ALX4: variants seen among roughly 807,000 people sequenced by gnomAD.
ALX4 encodes the protein homeobox protein aristaless-like 4.
In ALX4, 22 loss-of-function variants were observed where a neutral mutation model predicts 40.6. The observed-to-expected ratio is 0.54, with a 90% CI of 0.39 to 0.77. ALX4 has a LOEUF of 0.77. ALX4 is among the 30% of genes least tolerant of loss of function. The pLI is 0.00. For synonymous variants in ALX4, 266 were observed against 240.5 expected (o/e 1.11, Z -0.98); for missense variants, 556 against 564.8 (o/e 0.98, Z 0.16).
rs1257765413 is a variant in ALX4, at chr11:44,264,846, G to A, written c.*8C>T. 4 of 1,612,014 alleles carry A rather than the reference G, an allele frequency of 2.5e-6. No individual in the cohort carries two copies. Among genetic ancestry groups the A allele is most frequent in the Middle Eastern group, 1.7e-4 (1 of 5,774 alleles). Reference sequence around the variant, plus strand: ...GTCCCGAGGTGGGGACGGGGCAGGGGTGCCCTGTCATGTGGCCCAGGAAAT... The same window carrying A: ...GTCCCGAGGTGGGGACGGGGCAGGGATGCCCTGTCATGTGGCCCAGGAAAT... On this transcript the variant is annotated 3_prime_UTR_variant, in exon 4 of 4. Transcript: ENST00000652299.
chr11:44,277,774 G>C (rs1176746863), intron 1 of ALX4, among the ~76,000 whole-genome samples: 1 of 152,192 alleles, frequency 6.6e-6, no homozygotes, highest in Non-Finnish European at 1.5e-5. Context: ...TGAGTGCCCA[G>C]AGTAGGCCTG....
rs1956201196 is a variant in ALX4, at chr11:44,264,520, A to G, written c.*334T>C. On this transcript the variant is annotated 3_prime_UTR_variant, in exon 4 of 4. Coordinates refer to ENST00000652299, the MANE Select transcript of ALX4 (RefSeq NM_021926.4). ...GAAATCTAGCATTGACTCATGGTCA[A>G]CTAGGCAGAGCAGAGGAGTGGGCGG... 5.1e-6 allele frequency: 2 copies of G among 388,408 alleles called. No homozygotes were observed. Among genetic ancestry groups the G allele is most frequent in the Non-Finnish European group, 4.8e-6 (1 of 210,482 alleles). The allele number at this position is 388,408 out of a possible 1,614,324, so 24.1% of individuals were successfully genotyped here.
chr11:44,292,377 ATTTT>A (rs67510206), intron 1 of ALX4, among the ~76,000 whole-genome samples: 5 of 93,100 alleles, frequency 5.4e-5, no homozygotes, highest in Admixed American at 2.7e-4. Flanking sequence ...GGCTAATTAA[ATTTT>A]TTTTTTTTTT....
chr11:44,305,724 C>T (rs1029528785), intron 1 of ALX4, among the ~76,000 whole-genome samples: 1 of 152,252 alleles, frequency 6.6e-6, no homozygotes, highest in Non-Finnish European at 1.5e-5. Flanking sequence ...AGGCGGCACC[C>T]CAGGGGCTCC....
At chr11:44,278,776 G>A (rs951743999) in intron 1 of ALX4, among the ~76,000 whole-genome samples, 6 of 152,178 alleles carry the variant, frequency 3.9e-5, no homozygotes, top group Non-Finnish European at 8.8e-5. Flanking sequence ...GGGTAGTTGA[G>A]GGTCCCTCCT....
At chr11:44,270,973 G>A (rs926933386) in intron 2 of ALX4, among the ~76,000 whole-genome samples, 8 of 152,204 alleles carry the variant, frequency 5.3e-5, no homozygotes, top group African/African-American at 1.9e-4. Flanking sequence ...AGAGGCCCCT[G>A]CAGCCCCCTG....
rs761250433 is a variant in ALX4 at position 44,309,712 on chromosome 11, G to C, written c.351C>G (p.Pro117=). ...GCTGCAAGTAAAGATGCGGTTGCGC[G>C]GGCGGCTGGGGCTGCGGCTGCTGCT... ...PQQQQPQPQP[P]AQPHLYLQRG... The change falls in exon 1 of 4, where the codon CCC becomes CCG. Residue 117 remains proline (P), a synonymous_variant. Transcript: ENST00000652299. 1 of 1,572,916 alleles carries C rather than the reference G, an allele frequency of 6.4e-7. No individual in the cohort carries two copies. The highest frequency in any genetic ancestry group is 8.6e-7 in the Non-Finnish European group (1 of 1,161,456).
intron 2 of ALX4, among the ~76,000 whole-genome samples, chr11:44,272,026 C>A (rs1956251202): frequency 1.3e-5 from 2 of 152,226 alleles, no homozygotes; most frequent in Non-Finnish European, 2.9e-5. Flanking sequence ...CCTCCCCAAT[C>A]CATTTGCTGG....
chr11:44,271,100 T>A (rs1006814422), intron 2 of ALX4, among the ~76,000 whole-genome samples: 10 of 151,542 alleles, frequency 6.6e-5, no homozygotes, highest in Admixed American at 1.3e-4. Context: ...ACCAGCTGAG[T>A]ATGGGCCCTG....
intron 1 of ALX4, among the ~76,000 whole-genome samples, chr11:44,287,616 G>T (rs1565005462): frequency 6.6e-6 from 1 of 150,628 alleles, no homozygotes; most frequent in African/African-American, 2.4e-5. Flanking sequence ...GAAAAGAAAA[G>T]AAAAGAAAAC....
intron 1 of ALX4, among the ~76,000 whole-genome samples, chr11:44,303,955 G>C (rs1044018366): frequency 6.6e-6 from 1 of 152,162 alleles, no homozygotes; most frequent in Non-Finnish European, 1.5e-5. Context: ...GAGGTGTGCC[G>C]GGCTGCACCT....
In ALX4 at chr11:44,263,648, G is replaced by A. The variant is rs761727621; in HGVS notation, c.*1206C>T. ...GCCCCCATCTGCCGTGGAAGGCTCT[G>A]GGCAGCGATGACACTGACAGATATG... On this transcript the variant is annotated 3_prime_UTR_variant, in exon 4 of 4. Coordinates refer to ENST00000652299, the MANE Select transcript of ALX4 (RefSeq NM_021926.4). 6.6e-6 allele frequency: 1 copy of A among 152,364 alleles called. No individual in the cohort carries two copies. Among genetic ancestry groups the A allele is most frequent in the Non-Finnish European group, 1.5e-5 (1 of 68,130 alleles). The allele number at this position is 152,364 out of a possible 1,614,324, so 9.4% of individuals were successfully genotyped here. A position where few individuals can be genotyped will look rare whatever the true frequency, so the allele number is the denominator to read the frequency against.
At chr11:44,273,620 A>G (rs1364150602) in intron 2 of ALX4, among the ~76,000 whole-genome samples, 2 of 152,224 alleles carry the variant, frequency 1.3e-5, no homozygotes, top group Non-Finnish European at 2.9e-5. Flanking sequence ...GGGACAAACA[A>G]GTAAAATAAC....
intron 1 of ALX4, among the ~76,000 whole-genome samples, chr11:44,300,537 T>C (rs1357112833): frequency 6.6e-6 from 1 of 152,098 alleles, no homozygotes; most frequent in African/African-American, 2.4e-5. Flanking sequence ...ACCCCACCAC[T>C]ATCATTTGCA....
chr11:44,294,584 G>A (rs561119037), intron 1 of ALX4, among the ~76,000 whole-genome samples: 5 of 152,230 alleles, frequency 3.3e-5, no homozygotes, highest in African/African-American at 1.2e-4. Flanking sequence ...AGGTAGAGAT[G>A]GCAGCCCCCG....
At chr11:44,309,154 T>TCCCGCAGCCCCGCAGCCCCGCAGC (rs1348687898) in intron 1 of ALX4, among the ~76,000 whole-genome samples, 6,435 of 109,542 alleles carry the variant, frequency 0.059, 1,342 homozygotes, top group African/African-American at 0.066. Flanking sequence ...AGTCCTGCTG[T>TCCCGCAGCCCCGCAGCCCCGCAGC]CCCGCAGCCC....
intron 1 of ALX4, among the ~76,000 whole-genome samples, chr11:44,289,053 T>C (rs1956355128): frequency 1.3e-5 from 2 of 152,160 alleles, no homozygotes; most frequent in South Asian, 2.1e-4. Context: ...GTGGAAGAGA[T>C]GCATGAGGGA....
At chr11:44,280,425 C>T (rs1024884197) in intron 1 of ALX4, among the ~76,000 whole-genome samples, 2 of 152,198 alleles carry the variant, frequency 1.3e-5, no homozygotes, top group Non-Finnish European at 2.9e-5. Context: ...CTTGGGGCAC[C>T]TCGTGCTGGC....
chr11:44,296,204 T>G (rs1956401740), intron 1 of ALX4, among the ~76,000 whole-genome samples: 1 of 152,220 alleles, frequency 6.6e-6, no homozygotes, highest in Non-Finnish European at 1.5e-5. Context: ...GACCGGTCGA[T>G]GAGAAAAGGG....
Sources: gnomAD v4.1 joint callset for allele counts (sites outside exome capture counted in the v4.1 genomes callset) on GRCh38, gnomAD v4.1.1 for gene constraint, MANE v1.5 for transcripts, NCBI Gene and HGNC (gene_info 2026-07-23, HGNC 2026-07-21) for gene names.